The following PIEZO2 variants were observed in gnomAD, a reference collection of about 807,000 sequenced individuals.
The protein encoded by PIEZO2 is piezo-type mechanosensitive ion channel component 2.
PIEZO2 carries 172 observed loss-of-function variants against 337.3 expected under a neutral mutation model. The ratio of observed to expected loss-of-function variants is 0.51; its 90% CI spans 0.45 to 0.58. PIEZO2 has a LOEUF of 0.58. PIEZO2 is among the 20% of genes least tolerant of loss of function. The probability of loss-of-function intolerance (pLI) is 0.00; values close to 1 mark genes in which losing one functional copy is unlikely to be tolerated. For missense variants in PIEZO2, 3,028 were observed against 3,391.3 expected (o/e 0.89, Z 2.66); for synonymous variants, 1,251 against 1,228.5 (o/e 1.02, Z -0.38).
chr18:10,827,767 A>G (rs2040719360), intron 7 of PIEZO2, among the ~76,000 whole-genome samples: 1 of 152,240 alleles, frequency 6.6e-6, no homozygotes, highest in African/African-American at 2.4e-5. Flanking sequence ...ACAAGATCAC[A>G]GCCACATATT....
intron 4 of PIEZO2, among the ~76,000 whole-genome samples, chr18:10,891,991 A>C (rs997357719): frequency 2.0e-5 from 3 of 152,198 alleles, no homozygotes; most frequent in African/African-American, 7.2e-5. Context: ...GGTCCGGTAA[A>C]CATTTAGGGT....
chr18:10,957,164 T>A (rs1364447966), intron 3 of PIEZO2, among the ~76,000 whole-genome samples: 1 of 151,514 alleles, frequency 6.6e-6, no homozygotes, highest in Non-Finnish European at 1.5e-5. Flanking sequence ...TTTGGGAGGC[T>A]GAGGTGGGTG....
intron 3 of PIEZO2, among the ~76,000 whole-genome samples, chr18:10,964,566 CT>C (rs1210855103): frequency 6.6e-6 from 1 of 152,134 alleles, no homozygotes; most frequent in African/African-American, 2.4e-5. Context: ...ATACGGTATA[CT>C]TTTTTTCTCC....
intron 4 of PIEZO2, among the ~76,000 whole-genome samples, chr18:10,901,062 T>G (rs1292243011): frequency 6.6e-6 from 1 of 152,216 alleles, no homozygotes; most frequent in Non-Finnish European, 1.5e-5. Flanking sequence ...AATATTTTAG[T>G]ATGTTCACAC....
chr18:10,871,184 G>C (rs2042130486), intron 5 of PIEZO2, 69 bp downstream of exon 5: 1 of 1,416,964 alleles, frequency 7.1e-7, no homozygotes, highest in Non-Finnish European at 9.5e-7. Flanking sequence ...TATTATCATA[G>C]TTCTGCAACT....
At chr18:11,074,893 G>A (rs903931867) in intron 1 of PIEZO2, among the ~76,000 whole-genome samples, 4 of 152,288 alleles carry the variant, frequency 2.6e-5, no homozygotes, top group African/African-American at 9.6e-5. Context: ...TTTAGATTAT[G>A]CTATTAAAGG....
At chr18:10,959,190 T>C (rs2145365246) in intron 3 of PIEZO2, among the ~76,000 whole-genome samples, 1 of 152,314 alleles carries the variant, frequency 6.6e-6, no homozygotes, top group Non-Finnish European at 1.5e-5. Flanking sequence ...AGAGCTGTTT[T>C]AAATGGTTTT....
intron 18 of PIEZO2, among the ~76,000 whole-genome samples, chr18:10,779,564 A>G (rs2038906629): frequency 6.6e-6 from 1 of 152,250 alleles, no homozygotes; most frequent in South Asian, 2.1e-4. Context: ...GTGCCATCTC[A>G]GTGCCTTTTG....
rs1234181146 is a variant in PIEZO2, at chr18:11,102,665, T to C, written c.65-36443A>G. The stretch of plus-strand genomic sequence containing the variant: ...CCACTTCCCATTGGGCCCCCAGTGA[T>C]CTGTCTCCAGAGGGAAAGGCACTGC... On this transcript the variant is annotated intron_variant, in intron 1 of 55. Coordinates refer to ENST00000674853, the MANE Select transcript of PIEZO2 (RefSeq NM_001378183.1). The surrounding 1 kb of genome is among the most constrained non-coding windows in gnomAD (Gnocchi z 5.7). Among the ~76,000 whole-genome samples the C allele has an allele frequency of 2.6e-5, 4 of 152,198 alleles. No homozygotes were observed. Among genetic ancestry groups the C allele is most frequent in the African/African-American group, 7.2e-5 (3 of 41,446 alleles).
Position 10,746,163 on chromosome 18 carries a change from C to A in PIEZO2, c.4425-1932G>T, listed in dbSNP as rs1253417739. Among the ~76,000 whole-genome samples the A allele has an allele frequency of 6.6e-6, 1 of 152,220 alleles. No homozygotes were observed. Among genetic ancestry groups the A allele is most frequent in the African/African-American group, 2.4e-5 (1 of 41,444 alleles). On this transcript the variant is annotated intron_variant, in intron 30 of 55. Transcript: ENST00000674853. The surrounding 1 kb of genome is among the most constrained non-coding windows in gnomAD (Gnocchi z 4.2). ...GCGCTGCCTATACCCATCTATTCTC[C>A]ATACCACAAACAGAGTGAGCTTCCT...
At chr18:10,866,980 A>G (rs1286950800) in intron 5 of PIEZO2, among the ~76,000 whole-genome samples, 1 of 152,192 alleles carries the variant, frequency 6.6e-6, no homozygotes, top group Non-Finnish European at 1.5e-5. Flanking sequence ...AAGTGACCTT[A>G]AGGACCAGCA....
intron 35 of PIEZO2, among the ~76,000 whole-genome samples, chr18:10,733,247 G>A (rs145055337): frequency 6.6e-6 from 1 of 152,172 alleles, no homozygotes; most frequent in African/African-American, 2.4e-5. Context: ...TGCAAACTGG[G>A]GAAAACGGAG....
At chr18:10,868,731 G>T (rs1386781646) in intron 5 of PIEZO2, among the ~76,000 whole-genome samples, 1 of 152,170 alleles carries the variant, frequency 6.6e-6, no homozygotes, top group African/African-American at 2.4e-5. Flanking sequence ...TCTGAAAATT[G>T]AAATCAGGAA....
In PIEZO2 at chr18:11,028,745, G is replaced by A. The variant is rs548511393; in HGVS notation, c.160+37382C>T. ...AGAAAGTGAGAATCTGATCAGGTCT[G>A]AATAATACATGGCCAGCCAGCGTTG... On this transcript the variant is annotated intron_variant, in intron 2 of 55. Transcript: ENST00000674853. This position sits in a 1 kb window ranked among gnomAD's most constrained non-coding sequence, Gnocchi z 4.8. 1.6e-4 allele frequency among the ~76,000 whole-genome samples: 24 copies of A among 152,306 alleles called. No homozygotes were observed. Among genetic ancestry groups the A allele is most frequent in the Admixed American group, 5.2e-4 (8 of 15,308 alleles).
intron 3 of PIEZO2, among the ~76,000 whole-genome samples, chr18:10,930,670 G>A (rs2032025268): frequency 6.6e-6 from 1 of 152,144 alleles, no homozygotes; most frequent in Non-Finnish European, 1.5e-5. Context: ...CAACACCATG[G>A]ATAAAACCTA....
At chr18:10,910,275 T>A (rs1190903758) in intron 4 of PIEZO2, among the ~76,000 whole-genome samples, 1 of 152,116 alleles carries the variant, frequency 6.6e-6, no homozygotes, top group Non-Finnish European at 1.5e-5. Flanking sequence ...CATTCCAAGG[T>A]AGGTGGTTTA....
intron 2 of PIEZO2, among the ~76,000 whole-genome samples, chr18:10,981,086 T>C (rs1019149853): frequency 2.6e-5 from 4 of 152,178 alleles, no homozygotes; most frequent in African/African-American, 9.7e-5. Context: ...AGCCAGCTTA[T>C]ATATCAATTG....
At chr18:11,135,530 G>C (rs1309874252) in intron 1 of PIEZO2, among the ~76,000 whole-genome samples, 1 of 152,166 alleles carries the variant, frequency 6.6e-6, no homozygotes, top group Non-Finnish European at 1.5e-5. Flanking sequence ...TTACAGTTTG[G>C]TTCACGTTGC....
rs71364107 is a variant in PIEZO2, at chr18:11,103,786, CGTGTGTGT to C, written c.65-37572_65-37565del. On this transcript the variant is annotated intron_variant, in intron 1 of 55. Transcript: ENST00000674853. ...TTCCTTAAAAAAGACAGATGCTGGT[CGTGTGTGT>C]GTGTGTGTGTGTGTGCGTGTGTGCG... 1.1e-4 allele frequency among the ~76,000 whole-genome samples: 16 copies of C among 148,386 alleles called. No individual in the cohort carries two copies. In the East Asian group the frequency reaches 2.2e-3, roughly 20 times the overall value.
Sources: allele counts gnomAD v4.1 joint callset (sites outside exome capture counted in the v4.1 genomes callset), GRCh38; gene constraint gnomAD v4.1.1; non-coding constraint Gnocchi (gnomAD v3.1); transcripts MANE v1.5; gene names NCBI Gene and HGNC (gene_info 2026-07-23, HGNC 2026-07-21).